Variants in WBP2NL observed in about 807,000 individuals in gnomAD.
WBP2NL encodes the protein WBP2 N-terminal like.
In WBP2NL, 27 loss-of-function variants were observed where a neutral mutation model predicts 23.3. That is an observed-to-expected ratio of 1.16 (90% CI 0.85 to 1.60). The LOEUF (loss-of-function observed/expected upper bound fraction) is 1.60. WBP2NL is among the 40% of genes most tolerant of loss of function. The probability of loss-of-function intolerance (pLI) is 0.00; values close to 1 mark genes in which losing one functional copy is unlikely to be tolerated. For missense variants in WBP2NL, 370 were observed against 389.5 expected (o/e 0.95, Z 0.42); for synonymous variants, 151 against 145.9 (o/e 1.03, Z -0.25).
chr22:42,016,778 C>T (rs1602453691), intron 1 of WBP2NL, among the ~76,000 whole-genome samples: 1 of 152,180 alleles, frequency 6.6e-6, no homozygotes, highest in Admixed American at 6.5e-5. Context: ...ACCCTAGTTC[C>T]AGTTTTTACC....
At chr22:42,023,392 C>T (rs1452712602) in intron 5 of WBP2NL, among the ~76,000 whole-genome samples, 1 of 151,530 alleles carries the variant, frequency 6.6e-6, no homozygotes, top group Admixed American at 6.6e-5. Context: ...CAGAAATCTC[C>T]CTATGTTGTC....
At chr22:42,028,637 A>G (rs1371613660), downstream of WBP2NL, among the ~76,000 whole-genome samples, 12 of 152,344 alleles carry the variant, frequency 7.9e-5, no homozygotes, top group African/African-American at 1.4e-4. Context: ...TACCATTGCT[A>G]TTGGCAATAT....
At chr22:42,003,139 CAA>C (rs1400890627) in intron 1 of WBP2NL, 4 of 138,346 alleles carry the variant, frequency 2.9e-5, no homozygotes, top group African/African-American at 8.2e-5. Context: ...GCCTGGGCAA[CAA>C]GAGTGAAACT....
intron 8 of WBP2NL, among the ~76,000 whole-genome samples, chr22:42,038,727 C>T (rs1216937045): frequency 5.3e-5 from 8 of 151,892 alleles, no homozygotes; most frequent in Non-Finnish European, 8.8e-5. Context: ...CTCAGCCTCC[C>T]GAGTAGCTGG....
intron 8 of WBP2NL, among the ~76,000 whole-genome samples, chr22:42,042,230 C>A (rs941948448): frequency 5.3e-5 from 8 of 152,162 alleles, no homozygotes; most frequent in Non-Finnish European, 1.0e-4. Flanking sequence ...TTTTTAGTTA[C>A]TTCTTCAAAT....
In WBP2NL at chr22:42,019,767, A is replaced by G. The variant is rs752717631; in HGVS notation, c.277A>G (p.Asn93Asp). 1.6e-5 allele frequency: 26 copies of G among 1,614,102 alleles called. No homozygotes were observed. In the East Asian group the frequency reaches 2.4e-4, roughly 15 times the overall value. The change falls in exon 3 of 6, where the codon AAC becomes GAC. Residue 93 changes from asparagine (N) to aspartate (D), a missense_variant. By Grantham distance (23) the Asn-to-Asp change is conservative. Coordinates refer to ENST00000328823, the MANE Select transcript of WBP2NL (RefSeq NM_152613.3). ...LTVEQPVFAA[N>D]FIKGTIQAAP... Reference sequence around the variant, plus strand: ...TGTTGAACAACCAGTATTTGCTGCAAACTTCATTAAGGGAACTATTCAGGC... The same window carrying G: ...TGTTGAACAACCAGTATTTGCTGCAGACTTCATTAAGGGAACTATTCAGGC...
At chr22:42,025,284 A>G (rs1247606880) in intron 5 of WBP2NL, among the ~76,000 whole-genome samples, 1 of 152,244 alleles carries the variant, frequency 6.6e-6, no homozygotes, top group Non-Finnish European at 1.5e-5. Flanking sequence ...CCCATGGCCC[A>G]GGATGGCTTT....
intron 8 of WBP2NL, among the ~76,000 whole-genome samples, chr22:42,047,268 T>TAAAAAAAA (rs1569454673): frequency 2.8e-5 from 1 of 36,224 alleles, no homozygotes; most frequent in African/African-American, 8.1e-5. Flanking sequence ...ATTTTCAAGC[T>TAAAAAAAA]CAAAAAAAAA....
At chr22:42,054,740 C>G (rs1925970379) in intron 8 of WBP2NL, among the ~76,000 whole-genome samples, 1 of 150,288 alleles carries the variant, frequency 6.7e-6, no homozygotes. Context: ...AATCAATTAA[C>G]TGGCTGGATG....
At chr22:42,024,157 A>G (rs768269857) in intron 5 of WBP2NL, among the ~76,000 whole-genome samples, 11 of 152,208 alleles carry the variant, frequency 7.2e-5, no homozygotes, top group Non-Finnish European at 1.5e-4. Flanking sequence ...AAGTTGTAGC[A>G]TGTAGCAATA....
intron 8 of WBP2NL, among the ~76,000 whole-genome samples, chr22:42,052,907 C>T (rs1295271919): frequency 6.6e-6 from 1 of 152,232 alleles, no homozygotes; most frequent in Non-Finnish European, 1.5e-5. Flanking sequence ...GTTATTTGTA[C>T]AGAAAGATAG....
At chr22:42,011,983 G>A (rs939890373) in intron 1 of WBP2NL, among the ~76,000 whole-genome samples, 5 of 151,396 alleles carry the variant, frequency 3.3e-5, no homozygotes, top group African/African-American at 1.2e-4. Flanking sequence ...CGCCATGTTG[G>A]CCAGGCTGGT....
At chr22:42,047,797 A>C (rs1164510640) in intron 8 of WBP2NL, among the ~76,000 whole-genome samples, 1 of 148,698 alleles carries the variant, frequency 6.7e-6, no homozygotes, top group Non-Finnish European at 1.5e-5. Flanking sequence ...AACTTTTTAT[A>C]TTTTTAGAAG....
At chr22:42,019,218 C>T in intron 1 of WBP2NL, 93 bp from the exon 2 acceptor site, 1 of 1,130,732 alleles carries the variant, frequency 8.8e-7, no homozygotes, top group Non-Finnish European at 1.3e-6. Context: ...AAGACTCTGT[C>T]TCAAAAAAAA....
chr22:42,028,903 C>T (rs184521468), downstream of WBP2NL, among the ~76,000 whole-genome samples: 16 of 152,292 alleles, frequency 1.1e-4, no homozygotes, highest in African/African-American at 2.9e-4. Flanking sequence ...CTTGCATCTT[C>T]GACTCCTCAC....
At chr22:42,017,322 T>C (rs1923398282) in intron 1 of WBP2NL, among the ~76,000 whole-genome samples, 1 of 152,072 alleles carries the variant, frequency 6.6e-6, no homozygotes, top group Non-Finnish European at 1.5e-5. Context: ...ACCATGTTGG[T>C]CAAGCTGGTC....
At chr22:42,047,482 C>T (rs1251913662) in intron 8 of WBP2NL, among the ~76,000 whole-genome samples, 4 of 150,500 alleles carry the variant, frequency 2.7e-5, no homozygotes, top group Admixed American at 6.6e-5. Flanking sequence ...CCCAGCTACT[C>T]GGGAGGCTGA....
rs573143109 is a variant in WBP2NL at position 42,010,876 on chromosome 22, C to T, written c.63-8435C>T. ...ATCTTTTCATATGCTTTTTCTGCATCGATTGTGATGATCGCATGGTTTTTT... is the reference window on the plus strand; with the variant it reads ...ATCTTTTCATATGCTTTTTCTGCATTGATTGTGATGATCGCATGGTTTTTT... On this transcript the variant is annotated intron_variant, in intron 1 of 5. Transcript: ENST00000328823. 5.3e-5 allele frequency among the ~76,000 whole-genome samples: 8 copies of T among 152,236 alleles called. No homozygotes were observed. The South Asian group carries it at 1.5e-3, about 28-fold the overall frequency.
chr22:42,043,016 G>GAAAAAAAAAAAAAA (rs59812729), intron 8 of WBP2NL, among the ~76,000 whole-genome samples: 1 of 55,392 alleles, frequency 1.8e-5, no homozygotes, highest in African/African-American at 5.2e-5. Flanking sequence ...AGTGAGCCAA[G>GAAAAAAAAAAAAAA]AAAAAAAAAA....
Sources: allele counts gnomAD v4.1 joint callset (sites outside exome capture counted in the v4.1 genomes callset), GRCh38; gene constraint gnomAD v4.1.1; transcripts MANE v1.5; gene names NCBI Gene and HGNC (gene_info 2026-07-23, HGNC 2026-07-21).